Variants in RING1 observed in about 807,000 individuals in gnomAD.
RING1 encodes E3 ubiquitin-protein ligase RING1.
RING1 carries 8 observed loss-of-function variants against 35.0 expected under a neutral mutation model. The ratio of observed to expected loss-of-function variants is 0.23; its 90% CI spans 0.13 to 0.41. The LOEUF is 0.41. Ranked by LOEUF, RING1 falls within the 10% of genes least tolerant of loss-of-function variation. The probability of loss-of-function intolerance (pLI) is 1.00; values close to 1 mark genes in which losing one functional copy is unlikely to be tolerated. For missense variants in RING1, 343 were observed against 546.8 expected, an observed-to-expected ratio of 0.63 and a Z score of 3.72; for synonymous variants, 214 against 224.3, an observed-to-expected ratio of 0.95 and a Z score of 0.41.
At position 33,209,061 on chromosome 6, in the gene RING1, A is replaced by G. The variant is rs982453916; in HGVS notation, c.78+161A>G. 32 of 724,652 alleles carry G rather than the reference A, an allele frequency of 4.4e-5. No individual in the cohort carries two copies. Among genetic ancestry groups the G allele is most frequent in the Non-Finnish European group, 8.0e-5 (32 of 398,346 alleles). The allele number at this position is 724,652 out of a possible 1,614,324, so 44.9% of individuals were successfully genotyped here. On this transcript the variant is annotated intron_variant, in intron 2 of 6. Coordinates refer to ENST00000374656, the MANE Select transcript of RING1 (RefSeq NM_002931.4). This position sits in a 1 kb window ranked among gnomAD's most constrained non-coding sequence, Gnocchi z 5.1. ...TCCAAAGCACTTTCGCATTTAGCTCATTTAATCCTCAAAACAGCCCTGCCA... is the reference window on the plus strand; with the variant it reads ...TCCAAAGCACTTTCGCATTTAGCTCGTTTAATCCTCAAAACAGCCCTGCCA...
Position 33,211,430 on chromosome 6 carries a change from C to T in RING1, c.728C>T (p.Thr243Met), listed in dbSNP as rs758957921. Residue 243 changes from threonine to methionine, a missense_variant, in exon 5 of 7, where the codon ACG (threonine) becomes ATG (methionine). Physicochemically the swap from Thr to Met is moderately conservative, Grantham distance 81. This residue lies in a region of RING1 where 278 missense variants were observed against 383.5 expected (regional missense o/e 0.72). Transcript: ENST00000374656. This position sits in a 1 kb window ranked among gnomAD's most constrained non-coding sequence, Gnocchi z 6.3. ...GDRGGTLGGG[T>M]LGPPSPPGAP... ...CGGGGAGGGACTCTGGGAGGGGGAA[C>T]GCTGGGCCCCCCAAGCCCTCCTGGG... 47 of 1,573,324 alleles carry T rather than the reference C, an allele frequency of 3.0e-5. No individual in the cohort carries two copies. Among genetic ancestry groups the T allele is most frequent in the Admixed American group, 7.5e-5 (4 of 53,456 alleles).
intron 6 of RING1, 69 bp from the exon 7 acceptor site, chr6:33,212,229 C>A: frequency 8.4e-7 from 1 of 1,184,528 alleles, no homozygotes; most frequent in Non-Finnish European, 1.2e-6. Context: ...GCCTCTCATT[C>A]ATTTCCTTTT....
rs1379039138 is a variant in RING1, at chr6:33,212,573, C to G, written c.*174C>G. 9 of 521,318 alleles carry G rather than the reference C, an allele frequency of 1.7e-5. No homozygotes were observed. The highest frequency in any genetic ancestry group is 1.7e-4 in the Admixed American group (5 of 29,506). The allele number at this position is 521,318 out of a possible 1,614,324, so 32.3% of individuals were successfully genotyped here. On this transcript the variant is annotated 3_prime_UTR_variant, in exon 7 of 7. Transcript: ENST00000374656. ...CTATATGAGATTCTTCTATATTGTA[C>G]AGAGTGGGGCAAAACACGCCCCCAT...
At chr6:33,212,143 C>G in intron 6 of RING1, 141 bp downstream of exon 6, 2 of 858,860 alleles carry the variant, frequency 2.3e-6, no homozygotes, top group Non-Finnish European at 3.7e-6. Context: ...CCTCTCCTTT[C>G]CCATCATCCA....
At chr6:33,210,953 A>C (rs1427299852) in intron 4 of RING1, among the ~76,000 whole-genome samples, 1 of 152,232 alleles carries the variant, frequency 6.6e-6, no homozygotes, top group Non-Finnish European at 1.5e-5. Flanking sequence ...AAATAGAGGT[A>C]ATATAATTAC....
Position 33,211,334 on chromosome 6 carries a change from G to C in RING1, c.632G>C (p.Ser211Thr). The change falls in exon 5 of 7, where the codon AGC becomes ACC. Residue 211 changes from serine to threonine, a missense_variant. Transcript: ENST00000374656. This position sits in a 1 kb window ranked among gnomAD's most constrained non-coding sequence, Gnocchi z 6.3. ...CCCCGTGGAGGGGGCGCAGGGGGGA[G>C]CAGTGTAGGGACAGGGGGAGGCGGC... is the stretch of plus-strand genomic sequence containing the variant. ...KRPRGGGAGG[S>T]SVGTGGGGTG... 5 of 1,607,982 alleles carry C rather than the reference G, an allele frequency of 3.1e-6. No individual in the cohort carries two copies. Among genetic ancestry groups the C allele is most frequent in the Non-Finnish European group, 4.2e-6 (5 of 1,177,826 alleles).
Position 33,212,696 on chromosome 6 carries a change from G to T in RING1, c.*297G>T. 1 of 315,126 alleles carries T rather than the reference G, an allele frequency of 3.2e-6. No homozygotes were observed. The highest frequency in any genetic ancestry group is 5.8e-6 in the Non-Finnish European group (1 of 173,278). 19.5% of individuals were successfully genotyped at this position (315,126 alleles called of 1,614,324 possible). On this transcript the variant is annotated 3_prime_UTR_variant, in exon 7 of 7. Transcript: ENST00000374656. ...TCACGCCCGCCTACCAACAACAAACGTGCTTTTTTCCTCTTTGAAACCTGC... is the reference window on the plus strand; with the variant it reads ...TCACGCCCGCCTACCAACAACAAACTTGCTTTTTTCCTCTTTGAAACCTGC...
In RING1 at chr6:33,211,328, G is replaced by A. The variant is rs200721333; in HGVS notation, c.626G>A (p.Gly209Glu). ...AAGCGACCCCGTGGAGGGGGCGCAG[G>A]GGGGAGCAGTGTAGGGACAGGGGGA... ...APKRPRGGGA[G>E]GSSVGTGGGG... is the part of the protein sequence containing the mutation. The change falls in exon 5 of 7, where the codon GGG becomes GAG. Residue 209 changes from glycine (G) to glutamate (E), a missense_variant. Gly to Glu is a moderately conservative substitution (Grantham distance 98). This residue lies in a region of RING1 where 278 missense variants were observed against 383.5 expected (regional missense o/e 0.72). Coordinates refer to ENST00000374656, the MANE Select transcript of RING1 (RefSeq NM_002931.4). This position sits in a 1 kb window ranked among gnomAD's most constrained non-coding sequence, Gnocchi z 6.3. 41 of 1,610,142 alleles carry A rather than the reference G, an allele frequency of 2.5e-5. No homozygotes were observed. Among genetic ancestry groups the A allele is most frequent in the East Asian group, 6.7e-5 (3 of 44,760 alleles).
rs576044848 is a variant in RING1 at position 33,209,163 on chromosome 6, G to A, written c.78+263G>A. The A allele has an allele frequency of 6.1e-5, 42 of 685,358 alleles. No homozygotes were observed. The highest frequency in any genetic ancestry group is 1.0e-4 in the Admixed American group (5 of 49,326). The allele number at this position is 685,358 out of a possible 1,614,324, so 42.5% of individuals were successfully genotyped here. A position where few individuals can be genotyped will look rare whatever the true frequency, so the allele number is the denominator to read the frequency against. The stretch of plus-strand genomic sequence containing the variant: ...AATTACCTTCCCTGTTCCTCATTCA[G>A]TGTCATAAGTCAGTGCACATAAGAC... On this transcript the variant is annotated intron_variant, in intron 2 of 6. Coordinates refer to ENST00000374656, the MANE Select transcript of RING1 (RefSeq NM_002931.4). The surrounding 1 kb of genome is among the most constrained non-coding windows in gnomAD (Gnocchi z 5.1).
chr6:33,212,248 T>C, intron 6 of RING1, 50 bp from the exon 7 acceptor site: 1 of 1,313,702 alleles, frequency 7.6e-7, no homozygotes, highest in Non-Finnish European at 1.1e-6. Flanking sequence ...TTCCATCTTC[T>C]CCAACTTTCC....
At chr6:33,212,242 A>G in intron 6 of RING1, 56 bp from the exon 7 acceptor site, 2 of 1,267,016 alleles carry the variant, frequency 1.6e-6, no homozygotes, top group South Asian at 1.3e-5. Flanking sequence ...TTCCTTTTCC[A>G]TCTTCTCCAA....
Position 33,209,691 on chromosome 6 carries a change from C to T in RING1, c.144C>T (p.Cys48=), listed in dbSNP as rs749448892. The T allele has an allele frequency of 6.2e-7, 1 of 1,613,106 alleles. No homozygotes were observed. The highest frequency in any genetic ancestry group is 1.1e-5 in the South Asian group (1 of 91,082). The change falls in exon 3 of 7, where the codon TGC becomes TGT. Residue 48 remains cysteine, a synonymous_variant. Coordinates refer to ENST00000374656, the MANE Select transcript of RING1 (RefSeq NM_002931.4). This position sits in a 1 kb window ranked among gnomAD's most constrained non-coding sequence, Gnocchi z 5.1. ...GGTCACTGCATTCAGAACTCATGTG[C>T]CCTATCTGCCTGGACATGCTGAAGA... ...SPRSLHSELM[C]PICLDMLKNT...
Position 33,210,135 on chromosome 6 carries a change from G to A in RING1, c.455+5G>A. 1 of 1,613,302 alleles carries A rather than the reference G, an allele frequency of 6.2e-7. No homozygotes were observed. Among genetic ancestry groups the A allele is most frequent in the Non-Finnish European group, 8.5e-7 (1 of 1,179,736 alleles). ...ACGCATGCAGGCCATGCACAGGTGTGAGGGTCAGGAGAGAAGCAGAACTGA... is the reference window on the plus strand; with the variant it reads ...ACGCATGCAGGCCATGCACAGGTGTAAGGGTCAGGAGAGAAGCAGAACTGA... On this transcript the variant is annotated splice_donor_5th_base_variant and intron_variant, in intron 4 of 6. Transcript: ENST00000374656.
chr6:33,212,554 G>A lies in RING1; in HGVS notation c.*155G>A. 5 of 606,796 alleles carry A rather than the reference G, an allele frequency of 8.2e-6. No individual in the cohort carries two copies. The highest frequency in any genetic ancestry group is 1.5e-5 in the Non-Finnish European group (5 of 339,052). The allele number at this position is 606,796 out of a possible 1,614,324, so 37.6% of individuals were successfully genotyped here. A position where few individuals can be genotyped will look rare whatever the true frequency, so the allele number is the denominator to read the frequency against. On this transcript the variant is annotated 3_prime_UTR_variant, in exon 7 of 7. Transcript: ENST00000374656. ...TGGCTTTTATACAAAGTATCTATAT[G>A]AGATTCTTCTATATTGTACAGAGTG...
At chr6:33,210,932 C>T (rs1210609585) in intron 4 of RING1, among the ~76,000 whole-genome samples, 4 of 152,168 alleles carry the variant, frequency 2.6e-5, no homozygotes, top group Non-Finnish European at 5.9e-5. Flanking sequence ...GCCTCAGTTT[C>T]CTCAGCCATA....
In RING1 at chr6:33,211,046, ATAAATAT is replaced by A. The variant is rs907729481; in HGVS notation, c.456-109_456-103del. The A allele has an allele frequency of 4.0e-6, 5 of 1,243,722 alleles. No homozygotes were observed. Among genetic ancestry groups the A allele is most frequent in the Non-Finnish European group, 5.5e-6 (5 of 903,226 alleles). The allele number at this position is 1,243,722 out of a possible 1,614,324, so 77.0% of individuals were successfully genotyped here. A position where few individuals can be genotyped will look rare whatever the true frequency, so the allele number is the denominator to read the frequency against. ...CTGAGTGCTTAGCACATTGTGTTTA[ATAAATAT>A]TAGGTATCGTCATTAGGATTTTTCT... On this transcript the variant is annotated intron_variant, in intron 4 of 6. Transcript: ENST00000374656. This position sits in a 1 kb window ranked among gnomAD's most constrained non-coding sequence, Gnocchi z 6.3.
chr6:33,208,801 G>T lies in RING1; in HGVS notation c.-22G>T, dbSNP rs751841099. 7 of 1,585,762 alleles carry T rather than the reference G, an allele frequency of 4.4e-6. No individual in the cohort carries two copies. Among genetic ancestry groups the T allele is most frequent in the East Asian group, 2.3e-5 (1 of 44,334 alleles). Reference sequence around the variant, plus strand: ...TTCTCCTCGGCTGTGGAGCCCTGGTGGGGGGTCTGCGCCCGGTCACCATGA... The same window carrying T: ...TTCTCCTCGGCTGTGGAGCCCTGGTTGGGGGTCTGCGCCCGGTCACCATGA... On this transcript the variant is annotated 5_prime_UTR_variant, in exon 2 of 7. Coordinates refer to ENST00000374656, the MANE Select transcript of RING1 (RefSeq NM_002931.4). This position sits in a 1 kb window ranked among gnomAD's most constrained non-coding sequence, Gnocchi z 6.2.
In RING1 at chr6:33,212,318, C is replaced by T. The variant is rs568474263; in HGVS notation, c.1140C>T (p.Thr380=). The T allele has an allele frequency of 1.3e-6, 2 of 1,590,118 alleles. No individual in the cohort carries two copies. Among genetic ancestry groups the T allele is most frequent in the South Asian group, 1.1e-5 (1 of 87,346 alleles). Residue 380 remains threonine, a synonymous_variant, in exon 7 of 7, where the codon ACC becomes ACT. Coordinates refer to ENST00000374656, the MANE Select transcript of RING1 (RefSeq NM_002931.4). ...CTCAGACGTTGAATGGCTCGCTGAC[C>T]CTGGAGCTGGTGAATGAGAAATTCT... The part of the protein sequence containing the change: ...GAFTTLNGSL[T]LELVNEKFWK...
Position 33,211,860 on chromosome 6 carries a change from C to G in RING1, c.977C>G (p.Thr326Ser). ...GGGCCTGGAGGGGGCGCCTCTGACA[C>G]CGGAGGACCTGATGGGTGTGGCGGG... ...PGGPGGGASD[T>S]GGPDGCGGEG... Residue 326 changes from threonine to serine, a missense_variant, in exon 6 of 7, where the codon ACC becomes AGC. Coordinates refer to ENST00000374656, the MANE Select transcript of RING1 (RefSeq NM_002931.4). The surrounding 1 kb of genome is among the most constrained non-coding windows in gnomAD (Gnocchi z 6.3). 6.2e-7 allele frequency: 1 copy of G among 1,604,058 alleles called. No individual in the cohort carries two copies. Among genetic ancestry groups the G allele is most frequent in the Non-Finnish European group, 8.5e-7 (1 of 1,175,660 alleles).
Sources: allele counts gnomAD v4.1 joint callset (sites outside exome capture counted in the v4.1 genomes callset), GRCh38; gene constraint gnomAD v4.1.1; regional missense constraint gnomAD v4.1.1; non-coding constraint Gnocchi (gnomAD v3.1); transcripts MANE v1.5; gene names NCBI Gene and HGNC (gene_info 2026-07-23, HGNC 2026-07-21).